The following CDC73 variants were observed in gnomAD, a reference collection of about 807,000 sequenced individuals.
CDC73 encodes the protein cell division cycle 73.
CDC73 carries 21 observed loss-of-function variants against 83.7 expected under a neutral mutation model. The observed-to-expected ratio is 0.25, with a 90% CI of 0.18 to 0.36. CDC73 has a LOEUF of 0.36. Ranked by LOEUF, CDC73 falls within the 10% of genes least tolerant of loss-of-function variation. CDC73 has a pLI of 1.00. For missense variants in CDC73, 342 were observed against 653.3 expected, an observed-to-expected ratio of 0.52 and a Z score of 5.19; for synonymous variants, 224 against 212.9, an observed-to-expected ratio of 1.05 and a Z score of -0.45.
At chr1:193,235,130 AG>A (rs1677734756) in intron 14 of CDC73, among the ~76,000 whole-genome samples, 1 of 152,140 alleles carries the variant, frequency 6.6e-6, no homozygotes, top group Non-Finnish European at 1.5e-5. Flanking sequence ...CAGAGTTGCA[AG>A]GTGAAAACTA....
intron 13 of CDC73, among the ~76,000 whole-genome samples, 190 bp from the exon 14 acceptor site, chr1:193,232,803 T>G (rs1677683047): frequency 6.6e-6 from 1 of 151,786 alleles, no homozygotes; most frequent in African/African-American, 2.4e-5. Flanking sequence ...CTTGGGAGGC[T>G]GAGGCAGGAG....
At chr1:193,229,285 T>C (rs1677616243) in intron 13 of CDC73, among the ~76,000 whole-genome samples, 1 of 152,252 alleles carries the variant, frequency 6.6e-6, no homozygotes, top group African/African-American at 2.4e-5. Context: ...TTAGCTTTAC[T>C]TGTACGAACC....
chr1:193,139,203 T>G (rs930089884), intron 6 of CDC73, among the ~76,000 whole-genome samples: 1 of 152,154 alleles, frequency 6.6e-6, no homozygotes, highest in African/African-American at 2.4e-5. Flanking sequence ...CTTTACTTAA[T>G]TTTTTTTATG....
At chr1:193,246,237 T>C (rs1572224087) in intron 15 of CDC73, among the ~76,000 whole-genome samples, 1 of 152,114 alleles carries the variant, frequency 6.6e-6, no homozygotes, top group Non-Finnish European at 1.5e-5. Context: ...TTTCTTCTAG[T>C]AATTTTATAA....
At chr1:193,236,184 G>C in intron 14 of CDC73, 72 bp from the exon 15 acceptor site, 1 of 892,052 alleles carries the variant, frequency 1.1e-6, no homozygotes, top group Non-Finnish European at 1.9e-6. Context: ...GGGATTTATA[G>C]TAGCTAAAGC....
intron 10 of CDC73, among the ~76,000 whole-genome samples, chr1:193,192,303 C>T (rs978555888): frequency 1.4e-4 from 21 of 152,068 alleles, no homozygotes; most frequent in Admixed American, 7.9e-4. Flanking sequence ...ATCAGCCAGA[C>T]GTGGTGGTAC....
At chr1:193,199,625 C>T (rs933865667) in intron 10 of CDC73, among the ~76,000 whole-genome samples, 1 of 150,604 alleles carries the variant, frequency 6.6e-6, no homozygotes, top group Admixed American at 6.6e-5. Context: ...AAGCAGGAGA[C>T]TCTCGAGCTT....
At position 193,141,850 on chromosome 1, in the gene CDC73, G is replaced by A; in HGVS notation, c.513G>A (p.Arg171=). 1 of 1,608,174 alleles carries A rather than the reference G, an allele frequency of 6.2e-7. No homozygotes were observed. ...KEGIVQTEQI[R]SLSEAMSVEK... ...AATTTAAAAAAGAAATTGCTTTTAGGTCTTTGTCTGAAGCTATGTCAGTGG... is the reference window on the plus strand; with the variant it reads ...AATTTAAAAAAGAAATTGCTTTTAGATCTTTGTCTGAAGCTATGTCAGTGG... The change falls in exon 7 of 17, where the codon AGG becomes AGA. Residue 171 remains arginine (R), a splice_region_variant and synonymous_variant. Coordinates refer to ENST00000367435, the MANE Select transcript of CDC73 (RefSeq NM_024529.5).
chr1:193,236,531 CT>C (rs1365295143), intron 15 of CDC73, among the ~76,000 whole-genome samples, 175 bp downstream of exon 15: 2 of 152,150 alleles, frequency 1.3e-5, no homozygotes, highest in South Asian at 4.1e-4. Flanking sequence ...TATATTAATA[CT>C]TTCTGTGTAG....
intron 10 of CDC73, among the ~76,000 whole-genome samples, chr1:193,187,155 A>G (rs1003222847): frequency 7.8e-6 from 1 of 127,718 alleles, no homozygotes; most frequent in Non-Finnish European, 1.6e-5. Context: ...GGATTACTTT[A>G]CTAATGCATG....
At chr1:193,167,295 T>C (rs1194383532) in intron 10 of CDC73, among the ~76,000 whole-genome samples, 2 of 152,218 alleles carry the variant, frequency 1.3e-5, no homozygotes, top group African/African-American at 4.8e-5. Context: ...ACTTTGAAAT[T>C]ACTCCTGCCT....
At chr1:193,135,672 A>G in intron 5 of CDC73, 83 bp downstream of exon 5, 1 of 1,133,258 alleles carries the variant, frequency 8.8e-7, no homozygotes, top group Non-Finnish European at 1.3e-6. Context: ...CTTTGATTGC[A>G]GTAACCTGAG....
intron 14 of CDC73, among the ~76,000 whole-genome samples, chr1:193,235,966 G>A (rs931612545): frequency 2.0e-5 from 3 of 152,158 alleles, no homozygotes; most frequent in African/African-American, 7.2e-5. Context: ...GAAGGGAACA[G>A]AAAGGGCAAA....
intron 10 of CDC73, among the ~76,000 whole-genome samples, chr1:193,190,964 T>C (rs1676908400): frequency 6.6e-6 from 1 of 152,226 alleles, no homozygotes; most frequent in Non-Finnish European, 1.5e-5. Flanking sequence ...TCCAGTAGTG[T>C]GTGGGACAGT....
chr1:193,171,627 T>C (rs975152460), intron 10 of CDC73, among the ~76,000 whole-genome samples: 5 of 152,190 alleles, frequency 3.3e-5, no homozygotes, highest in African/African-American at 1.2e-4. Context: ...CTTGTTCTTC[T>C]TCTCTTCTGC....
At chr1:193,245,884 A>AGT (rs1677945997) in intron 15 of CDC73, among the ~76,000 whole-genome samples, 1 of 152,106 alleles carries the variant, frequency 6.6e-6, no homozygotes, top group Non-Finnish European at 1.5e-5. Context: ...CCTGACGATT[A>AGT]GTGACATTGA....
chr1:193,142,595 C>T (rs10737622), intron 7 of CDC73, among the ~76,000 whole-genome samples: 101,690 of 151,860 alleles, frequency 0.67, 34,478 homozygotes, highest in South Asian at 0.78. Context: ...GTTTTTCTCC[C>T]TTTCTCTGTC....
At chr1:193,243,803 G>T (rs1536099) in intron 15 of CDC73, among the ~76,000 whole-genome samples, 92,971 of 151,900 alleles carry the variant, frequency 0.61, 29,104 homozygotes, top group South Asian at 0.77. Flanking sequence ...CTGATGAAGA[G>T]ACTTTTATTT....
intron 10 of CDC73, among the ~76,000 whole-genome samples, chr1:193,184,720 A>C (rs898069298): frequency 7.9e-5 from 12 of 151,954 alleles, no homozygotes; most frequent in African/African-American, 2.9e-4. Context: ...ACCAAGAGGG[A>C]CTTGAAATTT....
Sources: allele counts gnomAD v4.1 joint callset (sites outside exome capture counted in the v4.1 genomes callset), GRCh38; gene constraint gnomAD v4.1.1; transcripts MANE v1.5; gene names NCBI Gene and HGNC (gene_info 2026-07-23, HGNC 2026-07-21).